The following TENM3 variants were observed in gnomAD, a reference collection of about 807,000 sequenced individuals.
TENM3 encodes the protein teneurin-3.
TENM3 carries 63 observed loss-of-function variants against 255.1 expected under a neutral mutation model. That is an observed-to-expected ratio of 0.25 (90% CI 0.20 to 0.30). The LOEUF (loss-of-function observed/expected upper bound fraction) is 0.30. TENM3 is among the 10% of genes least tolerant of loss of function. The pLI is 1.00. For synonymous variants in TENM3, 1,306 were observed against 1,322.3 expected (o/e 0.99, Z 0.27); for missense variants, 2,929 against 3,461.1 (o/e 0.85, Z 3.86).
At chr4:182,122,594 A>T in the TENM3 span, among the ~76,000 whole-genome samples, 1 of 152,196 alleles carries the variant, frequency 6.6e-6, no homozygotes, top group African/African-American at 2.4e-5. Context: ...TGGTCTTAAA[A>T]TTTCCAATAA....
chr4:182,349,059 C>T (rs1765011261), intron 3 of TENM3, among the ~76,000 whole-genome samples: 1 of 152,174 alleles, frequency 6.6e-6, no homozygotes, highest in Non-Finnish European at 1.5e-5. Context: ...GGGAGAGTGT[C>T]AAGGGCCTTG....
chr4:181,728,253 T>A, the TENM3 span, among the ~76,000 whole-genome samples: 1 of 152,166 alleles, frequency 6.6e-6, no homozygotes, highest in Non-Finnish European at 1.5e-5. Context: ...AAGGGGTCCC[T>A]ATCCAGACCC....
intron 3 of TENM3, among the ~76,000 whole-genome samples, chr4:182,359,815 G>T (rs1304911701): frequency 6.6e-6 from 1 of 151,638 alleles, no homozygotes; most frequent in Non-Finnish European, 1.5e-5. Flanking sequence ...GTGATGTTAG[G>T]GTGTCGATTT....
At chr4:181,521,489 T>A in the TENM3 span, among the ~76,000 whole-genome samples, 1 of 152,214 alleles carries the variant, frequency 6.6e-6, no homozygotes, top group Admixed American at 6.5e-5. Context: ...GAATGATCGA[T>A]TTTATACAGA....
chr4:181,661,651 A>C, the TENM3 span, among the ~76,000 whole-genome samples: 31 of 152,168 alleles, frequency 2.0e-4, 1 homozygote, highest in African/African-American at 6.5e-4. Flanking sequence ...AATTCAGAAA[A>C]ATGATTACTG....
intron 1 of TENM3, among the ~76,000 whole-genome samples, chr4:182,165,003 G>T (rs758023394): frequency 2.0e-5 from 3 of 152,184 alleles, no homozygotes; most frequent in Non-Finnish European, 4.4e-5. Context: ...CAGGGAGCTT[G>T]CAGAGAACAC....
Position 182,359,452 on chromosome 4 carries a change from G to A in TENM3, c.511+12523G>A, listed in dbSNP as rs528587330. Among the ~76,000 whole-genome samples the A allele has an allele frequency of 1.0e-4, 15 of 150,748 alleles. No individual in the cohort carries two copies. The East Asian group carries it at 2.2e-3, about 22-fold the overall frequency. Reference sequence around the variant, plus strand: ...TTCTTCCTGGTTTAGTCTAGGGAGAGTGTATGTGTCGAGGAATTTATCCAT... The same window carrying A: ...TTCTTCCTGGTTTAGTCTAGGGAGAATGTATGTGTCGAGGAATTTATCCAT... On this transcript the variant is annotated intron_variant, in intron 3 of 27. Transcript: ENST00000511685.
intron 3 of TENM3, among the ~76,000 whole-genome samples, chr4:182,573,216 A>T (rs1421088338): frequency 6.6e-6 from 1 of 152,194 alleles, no homozygotes; most frequent in African/African-American, 2.4e-5. Context: ...CATTGTCAGG[A>T]TTTGAGTAGG....
chr4:182,659,971 G>A (rs10007776), intron 6 of TENM3, among the ~76,000 whole-genome samples: 2,094 of 152,258 alleles, frequency 0.014, 54 homozygotes, highest in African/African-American at 0.047. Flanking sequence ...ACTTGGGACA[G>A]GTTATATAGC....
At chr4:182,036,857 A>AT in the TENM3 span, among the ~76,000 whole-genome samples, 772 of 152,082 alleles carry the variant, frequency 5.1e-3, 9 homozygotes, top group African/African-American at 0.017. Context: ...TATCTTGCTG[A>AT]TTTTTTTTAT....
At chr4:182,103,184 AG>A in the TENM3 span, among the ~76,000 whole-genome samples, 1 of 152,254 alleles carries the variant, frequency 6.6e-6, no homozygotes, top group Non-Finnish European at 1.5e-5. Context: ...TCTAAGAAGT[AG>A]GCTCACCAGC....
At chr4:181,764,689 T>C in the TENM3 span, among the ~76,000 whole-genome samples, 1 of 152,254 alleles carries the variant, frequency 6.6e-6, no homozygotes, top group East Asian at 1.9e-4. Flanking sequence ...CATGTGACTT[T>C]GTTGTTTGCT....
chr4:181,648,438 A>C, the TENM3 span, among the ~76,000 whole-genome samples: 1 of 152,184 alleles, frequency 6.6e-6, no homozygotes, highest in African/African-American at 2.4e-5. Context: ...CAAATACCAA[A>C]AAAAGTGGTA....
chr4:181,542,295 A>G, the TENM3 span, among the ~76,000 whole-genome samples: 1 of 152,198 alleles, frequency 6.6e-6, no homozygotes, highest in Non-Finnish European at 1.5e-5. Flanking sequence ...AGCGAGCCAG[A>G]CAGATAATTG....
At chr4:181,942,409 CT>C in the TENM3 span, among the ~76,000 whole-genome samples, 10 of 151,434 alleles carry the variant, frequency 6.6e-5, no homozygotes, top group Non-Finnish European at 1.5e-4. Context: ...TTCAGGCCTT[CT>C]AAGTGCCTAA....
chr4:182,669,241 A>G (rs1204400112), intron 6 of TENM3, among the ~76,000 whole-genome samples: 2 of 151,602 alleles, frequency 1.3e-5, no homozygotes, highest in Non-Finnish European at 2.9e-5. Flanking sequence ...CATAAAGAGT[A>G]TTATATTATA....
chr4:181,968,738 G>A, the TENM3 span, among the ~76,000 whole-genome samples: 1 of 152,174 alleles, frequency 6.6e-6, no homozygotes, highest in East Asian at 1.9e-4. Flanking sequence ...AAGTTCTAGA[G>A]ATCTTTCGTA....
intron 3 of TENM3, among the ~76,000 whole-genome samples, chr4:182,481,542 C>A (rs1289104363): frequency 2.6e-5 from 4 of 152,140 alleles, no homozygotes; most frequent in African/African-American, 9.7e-5. Context: ...CACCTGTAAT[C>A]CCAGCACTTT....
intron 3 of TENM3, among the ~76,000 whole-genome samples, chr4:182,545,735 A>G (rs943122102): frequency 1.1e-4 from 16 of 152,070 alleles, no homozygotes; most frequent in African/African-American, 3.9e-4. Flanking sequence ...AGCTTAATAT[A>G]GCTCCACAGA....
Sources: gnomAD v4.1 joint callset for allele counts (sites outside exome capture counted in the v4.1 genomes callset) on GRCh38, gnomAD v4.1.1 for gene constraint, MANE v1.5 for transcripts, NCBI Gene and HGNC (gene_info 2026-07-23, HGNC 2026-07-21) for gene names.